The following SLC44A1 variants were observed in gnomAD, a reference collection of about 807,000 sequenced individuals.
The protein encoded by SLC44A1 is solute carrier family 44 member 1.
SLC44A1 carries 26 observed loss-of-function variants against 79.3 expected under a neutral mutation model. The ratio of observed to expected loss-of-function variants is 0.33; its 90% CI spans 0.24 to 0.46. The LOEUF (loss-of-function observed/expected upper bound fraction) is 0.46, where lower values mean the gene tolerates loss of function less well. Ranked by LOEUF, SLC44A1 falls within the 20% of genes least tolerant of loss-of-function variation. The probability of loss-of-function intolerance (pLI) is 1.00; values close to 1 mark genes in which losing one functional copy is unlikely to be tolerated. For synonymous variants in SLC44A1, 263 were observed against 286.2 expected, an observed-to-expected ratio of 0.92 and a Z score of 0.82; for missense variants, 688 against 798.1, an observed-to-expected ratio of 0.86 and a Z score of 1.66.
rs10589897 is a variant in SLC44A1 at position 105,304,944 on chromosome 9, GTTTT to G, written c.127-4741_127-4738del. Among the ~76,000 whole-genome samples, 13 of 20,072 alleles carry G rather than the reference GTTTT, an allele frequency of 6.5e-4. 1 individual carries two copies. The highest frequency in any genetic ancestry group is 1.7e-3 in the African/African-American group (12 of 7,270). The allele number at this position is 20,072 out of a possible 152,430, so 13.2% of individuals were successfully genotyped here. A position where few individuals can be genotyped will look rare whatever the true frequency, so the allele number is the denominator to read the frequency against. On this transcript the variant is annotated intron_variant, in intron 2 of 15. Coordinates refer to ENST00000374720, the MANE Select transcript of SLC44A1 (RefSeq NM_080546.5). ...GTAGTTATTCCCTAGACTTTCTATC[GTTTT>G]TTTTTTTTTTTTTTTTTTTTTTTTT... is the stretch of plus-strand genomic sequence containing the variant.
At chr9:105,323,821 T>C (rs1261480234) in intron 3 of SLC44A1, among the ~76,000 whole-genome samples, 1 of 152,212 alleles carries the variant, frequency 6.6e-6, no homozygotes, top group Non-Finnish European at 1.5e-5. Flanking sequence ...GCTTGGTCTT[T>C]GTCATCACCC....
At chr9:105,306,983 C>G (rs988757469) in intron 2 of SLC44A1, among the ~76,000 whole-genome samples, 5 of 152,012 alleles carry the variant, frequency 3.3e-5, no homozygotes, top group African/African-American at 1.2e-4. Context: ...TCACTGTTCC[C>G]CCTAGAAATT....
intron 1 of SLC44A1, among the ~76,000 whole-genome samples, chr9:105,267,687 A>G (rs866755496): frequency 6.6e-6 from 1 of 152,236 alleles, no homozygotes; most frequent in East Asian, 1.9e-4. Context: ...CTGCAACTGC[A>G]TCATCTTTTT....
At chr9:105,281,573 C>T (rs1343582996) in intron 1 of SLC44A1, among the ~76,000 whole-genome samples, 3 of 152,094 alleles carry the variant, frequency 2.0e-5, no homozygotes, top group African/African-American at 4.8e-5. Context: ...GACATGATAT[C>T]GTCTGGAAGG....
Position 105,299,306 on chromosome 9 carries a change from G to T in SLC44A1, c.123G>T (p.Gly41=). The change falls in exon 2 of 16, where the codon GGG becomes GGT. Residue 41 remains glycine (G), a synonymous_variant. Transcript: ENST00000374720. The part of the protein sequence containing the change: ...WLLLFILFCI[G]MGFICGFSIA... The stretch of plus-strand genomic sequence containing the variant: ...TGCTCTTCATCCTCTTCTGCATTGG[G>T]ATGGTAAGGAAACTCTCACAGATGG... The T allele has an allele frequency of 6.3e-7, 1 of 1,576,440 alleles. No individual in the cohort carries two copies. The highest frequency in any genetic ancestry group is 8.6e-7 in the Non-Finnish European group (1 of 1,166,342).
downstream of SLC44A1, chr9:105,397,420 C>T (rs1023139143): frequency 4.3e-6 from 4 of 935,210 alleles, no homozygotes; most frequent in Admixed American, 1.9e-4. Flanking sequence ...GCAACATCTT[C>T]GTTTCAAATT....
At chr9:105,258,732 G>T (rs1797672751) in intron 1 of SLC44A1, among the ~76,000 whole-genome samples, 2 of 152,088 alleles carry the variant, frequency 1.3e-5, no homozygotes, top group Non-Finnish European at 2.9e-5. Flanking sequence ...CTGTTGCCTA[G>T]GCTGGAGTGC....
chr9:105,396,094 C>T lies in SLC44A1; in HGVS notation c.*7038C>T. 1.0e-6 allele frequency: 1 copy of T among 985,192 alleles called. No homozygotes were observed. 61.0% of individuals were successfully genotyped at this position (985,192 alleles called of 1,614,324 possible). A position where few individuals can be genotyped will look rare whatever the true frequency, so the allele number is the denominator to read the frequency against. On this transcript the variant is annotated 3_prime_UTR_variant, in exon 16 of 16. Transcript: ENST00000374720. ...GCCTATTTTGATTTTCAGAGATGAT[C>T]ACATGGGGACAGTTAACTTTTCTTC...
At chr9:105,252,932 C>T (rs749015433) in intron 1 of SLC44A1, among the ~76,000 whole-genome samples, 21 of 152,154 alleles carry the variant, frequency 1.4e-4, no homozygotes, top group Non-Finnish European at 2.9e-4. Context: ...AACAGATTTA[C>T]ATTTTTCAGT....
chr9:105,281,018 C>T (rs1245749466), intron 1 of SLC44A1, among the ~76,000 whole-genome samples: 2 of 152,208 alleles, frequency 1.3e-5, no homozygotes, highest in African/African-American at 4.8e-5. Flanking sequence ...GAACCTGTGA[C>T]TCCCAGGCCA....
intron 1 of SLC44A1, among the ~76,000 whole-genome samples, chr9:105,246,639 A>T (rs1829459990): frequency 6.6e-6 from 1 of 152,192 alleles, no homozygotes; most frequent in South Asian, 2.1e-4. Context: ...ACTTAAGTAT[A>T]ATTTTCACCA....
chr9:105,401,561 G>A (rs1339100532), downstream of SLC44A1, among the ~76,000 whole-genome samples: 3 of 152,094 alleles, frequency 2.0e-5, no homozygotes, highest in African/African-American at 7.2e-5. Context: ...ACCAGGGAAA[G>A]GTCAGGAGGA....
At chr9:105,287,716 T>A (rs1319191844) in intron 1 of SLC44A1, among the ~76,000 whole-genome samples, 1 of 152,186 alleles carries the variant, frequency 6.6e-6, no homozygotes, top group African/African-American at 2.4e-5. Flanking sequence ...GAAGACTAGC[T>A]AGAATTCAAG....
chr9:105,308,024 A>G (rs1831078484), intron 2 of SLC44A1, among the ~76,000 whole-genome samples: 1 of 152,220 alleles, frequency 6.6e-6, no homozygotes, highest in African/African-American at 2.4e-5. Context: ...TGAGACTTGC[A>G]CTTTACATGT....
At chr9:105,368,614 T>C (rs1271809625) in intron 12 of SLC44A1, among the ~76,000 whole-genome samples, 4 of 152,228 alleles carry the variant, frequency 2.6e-5, no homozygotes, top group African/African-American at 9.7e-5. Context: ...ATCACACTTA[T>C]ATACATATAA....
chr9:105,283,413 A>G (rs761772353), intron 1 of SLC44A1, among the ~76,000 whole-genome samples: 1 of 152,198 alleles, frequency 6.6e-6, no homozygotes, highest in Non-Finnish European at 1.5e-5. Flanking sequence ...AGCTGTGAAG[A>G]GGCGCTCTGC....
chr9:105,393,961 A>G lies in SLC44A1; in HGVS notation c.*4905A>G. On this transcript the variant is annotated 3_prime_UTR_variant, in exon 16 of 16. Transcript: ENST00000374720. The stretch of plus-strand genomic sequence containing the variant: ...CAGAAATTTCTCACTTTTATTTGCT[A>G]AGACCTGAATTTAATATTTGATATT... The G allele has an allele frequency of 1.0e-6, 1 of 983,810 alleles. No individual in the cohort carries two copies. The highest frequency in any genetic ancestry group is 1.2e-6 in the Non-Finnish European group (1 of 828,428). 60.9% of individuals were successfully genotyped at this position (983,810 alleles called of 1,614,324 possible).
chr9:105,398,151 G>A (rs1341691930), downstream of SLC44A1, among the ~76,000 whole-genome samples: 1 of 152,104 alleles, frequency 6.6e-6, no homozygotes, highest in Admixed American at 6.5e-5. Flanking sequence ...GAAAAATCAA[G>A]CTTTTTAAAA....
intron 1 of SLC44A1, among the ~76,000 whole-genome samples, chr9:105,256,707 C>T (rs1032539484): frequency 4.0e-5 from 6 of 150,626 alleles, no homozygotes; most frequent in Admixed American, 1.3e-4. Flanking sequence ...GGACTACAGG[C>T]ATGCACTACC....
Sources: gnomAD v4.1 joint callset for allele counts (sites outside exome capture counted in the v4.1 genomes callset) on GRCh38, gnomAD v4.1.1 for gene constraint, MANE v1.5 for transcripts, NCBI Gene and HGNC (gene_info 2026-07-23, HGNC 2026-07-21) for gene names.